CCDC7: variants seen among roughly 807,000 people sequenced by gnomAD.
The protein encoded by CCDC7 is coiled-coil domain-containing protein 7.
In CCDC7, 183 loss-of-function variants were observed where a neutral mutation model predicts 196.9. That is an observed-to-expected ratio of 0.93 (90% CI 0.82 to 1.05). CCDC7 has a LOEUF of 1.05. CCDC7 is among the 50% of genes least tolerant of loss of function. The pLI is 0.00. For missense variants in CCDC7, 1,540 were observed against 1,482.2 expected (o/e 1.04, Z -0.64); for synonymous variants, 525 against 484.6 (o/e 1.08, Z -1.10).
chr10:32,833,626 G>A (rs374107635), intron 32 of CCDC7, among the ~76,000 whole-genome samples: 38 of 152,086 alleles, frequency 2.5e-4, no homozygotes, highest in African/African-American at 8.7e-4. Context: ...AAATATGTCT[G>A]CTAATGTTCC....
intron 28 of CCDC7, among the ~76,000 whole-genome samples, chr10:32,755,181 C>T (rs992584763): frequency 2.6e-5 from 4 of 152,198 alleles, no homozygotes; most frequent in Admixed American, 2.6e-4. Flanking sequence ...GTAGACTCCA[C>T]CTCTGGGGGC....
intron 18 of CCDC7, among the ~76,000 whole-genome samples, chr10:32,610,790 T>A (rs1450612311): frequency 6.6e-6 from 1 of 152,212 alleles, no homozygotes; most frequent in Non-Finnish European, 1.5e-5. Context: ...CCATGGTGTA[T>A]ATGTGCCACA....
At chr10:32,695,826 C>T (rs1267958682) in intron 24 of CCDC7, among the ~76,000 whole-genome samples, 1 of 152,096 alleles carries the variant, frequency 6.6e-6, no homozygotes, top group Non-Finnish European at 1.5e-5. Context: ...AAGCTATTTC[C>T]CTCAGCTTGG....
chr10:32,449,188 ATATT>A (rs1332475501), upstream of CCDC7, among the ~76,000 whole-genome samples: 1 of 151,506 alleles, frequency 6.6e-6, no homozygotes, highest in South Asian at 2.1e-4. Flanking sequence ...TATTATTTTT[ATATT>A]TATTTATTTA....
chr10:32,494,809 G>T (rs1379864536), intron 9 of CCDC7, among the ~76,000 whole-genome samples: 1 of 152,090 alleles, frequency 6.6e-6, no homozygotes, highest in Non-Finnish European at 1.5e-5. Flanking sequence ...TGGGCACTTG[G>T]GTTGGTTCCA....
At chr10:32,543,534 A>T in intron 12 of CCDC7, 149 bp downstream of exon 13, 2 of 862,556 alleles carry the variant, frequency 2.3e-6, no homozygotes, top group Non-Finnish European at 3.1e-6. Context: ...TAAGCATACC[A>T]GTATATGATT....
At chr10:32,571,729 C>CT in intron 15 of CCDC7, 130 bp from the exon 17 acceptor site, 1 of 795,434 alleles carries the variant, frequency 1.3e-6, no homozygotes, top group Non-Finnish European at 1.8e-6. Context: ...AATTTCTTTG[C>CT]TTTTTTGATA....
intron 11 of CCDC7, among the ~76,000 whole-genome samples, chr10:32,534,775 C>T (rs928447568): frequency 1.3e-5 from 2 of 152,108 alleles, no homozygotes; most frequent in Non-Finnish European, 2.9e-5. Context: ...TGAATAGCCA[C>T]TCTGACTTGA....
intron 28 of CCDC7, among the ~76,000 whole-genome samples, chr10:32,746,695 T>C: frequency 6.6e-6 from 1 of 152,174 alleles, no homozygotes. Context: ...ACTGCCATGG[T>C]GCCTTTGCCA....
rs12268708 is a variant in CCDC7, at chr10:32,510,069, G to T, written c.873-7876G>T. On this transcript the variant is annotated intron_variant, in intron 9 of 41. Coordinates refer to ENST00000639629, the Ensembl canonical transcript of CCDC7. ...AGGAACTTAAATCAATATGTCAGGG[G>T]GATATCTGCACTCCCATTTTCATTG... Among the ~76,000 whole-genome samples, 234 of 152,146 alleles carry T rather than the reference G, an allele frequency of 1.5e-3. 1 individual carries two copies. Among genetic ancestry groups the T allele is most frequent in the African/African-American group, 5.1e-3 (213 of 41,512 alleles).
At chr10:32,784,503 T>G (rs1255685451) in intron 29 of CCDC7, among the ~76,000 whole-genome samples, 1 of 152,178 alleles carries the variant, frequency 6.6e-6, no homozygotes, top group African/African-American at 2.4e-5. Flanking sequence ...CTGCGTTAGT[T>G]TGGTAAGGAT....
At chr10:32,599,379 C>T (rs1246060949) in intron 18 of CCDC7, among the ~76,000 whole-genome samples, 1 of 152,096 alleles carries the variant, frequency 6.6e-6, no homozygotes, top group African/African-American at 2.4e-5. Context: ...TTGTCAGTTT[C>T]TGTCTTTAGA....
Position 32,597,447 on chromosome 10 carries a change from T to G in CCDC7, c.1801+13143T>G, listed in dbSNP as rs117329884. 8.5e-4 allele frequency among the ~76,000 whole-genome samples: 129 copies of G among 152,300 alleles called. 1 individual carries two copies. In the East Asian group the frequency reaches 0.02, roughly 24 times the overall value. ...TACTCTTTTTTCAAGGTTTTTAGCT[T>G]CTTGCGATGGGTTCGAACATCCTCC... On this transcript the variant is annotated intron_variant, in intron 18 of 41. Coordinates refer to ENST00000639629, the Ensembl canonical transcript of CCDC7.
intron 29 of CCDC7, among the ~76,000 whole-genome samples, chr10:32,790,934 C>A (rs2082598963): frequency 6.6e-6 from 1 of 152,194 alleles, no homozygotes; most frequent in South Asian, 2.1e-4. Context: ...CATAGTGCTG[C>A]TGATGCTGCC....
intron 29 of CCDC7, among the ~76,000 whole-genome samples, chr10:32,779,940 G>A (rs903966974): frequency 2.6e-5 from 4 of 152,092 alleles, no homozygotes; most frequent in African/African-American, 7.2e-5. Flanking sequence ...TAGTAGGCCC[G>A]CCCTGTTAAA....
In CCDC7 at chr10:32,561,514, C is replaced by A. The variant is rs554645343; in HGVS notation, c.1135-4044C>A. Reference sequence around the variant, plus strand: ...AACAAACTCACTCAAAACCGCTCAACTACATGGAAACTGAACAACCTGCTC... The same window carrying A: ...AACAAACTCACTCAAAACCGCTCAAATACATGGAAACTGAACAACCTGCTC... On this transcript the variant is annotated intron_variant, in intron 13 of 41. Transcript: ENST00000639629. Among the ~76,000 whole-genome samples, 11 of 152,302 alleles carry A rather than the reference C, an allele frequency of 7.2e-5. No homozygotes were observed. In the South Asian group the frequency reaches 2.1e-3, roughly 29 times the overall value.
chr10:32,581,816 A>G (rs1239132673), intron 16 of CCDC7, among the ~76,000 whole-genome samples: 2 of 152,140 alleles, frequency 1.3e-5, no homozygotes, highest in Admixed American at 6.6e-5. Flanking sequence ...ATCTTAAAAA[A>G]CATTTGCTTT....
At chr10:32,504,475 C>A (rs73251574) in intron 9 of CCDC7, among the ~76,000 whole-genome samples, 7,973 of 152,108 alleles carry the variant, frequency 0.052, 689 homozygotes, top group African/African-American at 0.18. Context: ...TTATTTTTCT[C>A]GTTCTTTGGT....
chr10:32,753,462 A>G (rs2075962530), intron 28 of CCDC7, among the ~76,000 whole-genome samples: 1 of 152,170 alleles, frequency 6.6e-6, no homozygotes, highest in African/African-American at 2.4e-5. Context: ...GAAATACTGA[A>G]ATACTACTAC....
Sources: gnomAD v4.1 joint callset for allele counts (sites outside exome capture counted in the v4.1 genomes callset) on GRCh38, gnomAD v4.1.1 for gene constraint, MANE v1.5 for transcripts, NCBI Gene and HGNC (gene_info 2026-07-23, HGNC 2026-07-21) for gene names.